RTKN2: variants seen among roughly 807,000 people sequenced by gnomAD.
RTKN2 encodes the protein rhotekin 2.
Under a neutral mutation model 71.5 loss-of-function variants are expected in RTKN2, and 69 were observed. That is an observed-to-expected ratio of 0.96 (90% CI 0.79 to 1.18). The LOEUF is 1.18. Ranked by LOEUF, RTKN2 falls within the 50% of genes most tolerant of loss-of-function variation. The pLI, the probability that RTKN2 is intolerant of heterozygous loss-of-function variation, is 0.00. For synonymous variants in RTKN2, 236 were observed against 236.5 expected (o/e 1.00, Z 0.02); for missense variants, 724 against 719.7 (o/e 1.01, Z -0.07).
chr10:62,213,018 AT>A, intron 9 of RTKN2, among the ~76,000 whole-genome samples: 1 of 152,312 alleles, frequency 6.6e-6, no homozygotes, highest in East Asian at 1.9e-4. Context: ...GATACCAAGT[AT>A]TTATCCTGCC....
Position 62,239,726 on chromosome 10 carries a change from C to G in RTKN2, c.410G>C (p.Gly137Ala), listed in dbSNP as rs776909987. The change falls in exon 5 of 12, where the codon GGA becomes GCA. Residue 137 changes from glycine to alanine, a missense_variant. Coordinates refer to ENST00000373789, the MANE Select transcript of RTKN2 (RefSeq NM_145307.4). ...CACATCAGTATCAAACACATTAGCT[C>G]CCATTTTGAATAAACAAAAAATGGC... ...RYAIFCLFKM[G>A]ANVFDTDVVN... is the part of the protein sequence containing the mutation. The G allele has an allele frequency of 5.6e-6, 9 of 1,594,252 alleles. No homozygotes were observed. The highest frequency in any genetic ancestry group is 7.7e-6 in the Non-Finnish European group (9 of 1,169,008).
rs1841287705 is a variant in RTKN2, at chr10:62,194,710, G to C, written c.*3198C>G. On this transcript the variant is annotated 3_prime_UTR_variant, in exon 12 of 12. Coordinates refer to ENST00000373789, the MANE Select transcript of RTKN2 (RefSeq NM_145307.4). ...ACTGAATTAATTAACTTCTCAGTAGGGGGCTGAGGTGCTGAACATAAGCCT... is the reference window on the plus strand; with the variant it reads ...ACTGAATTAATTAACTTCTCAGTAGCGGGCTGAGGTGCTGAACATAAGCCT... 1.0e-6 allele frequency: 1 copy of C among 985,328 alleles called. No homozygotes were observed. The highest frequency in any genetic ancestry group is 1.2e-6 in the Non-Finnish European group (1 of 829,888). 61.0% of individuals were successfully genotyped at this position (985,328 alleles called of 1,614,324 possible). A position where few individuals can be genotyped will look rare whatever the true frequency, so the allele number is the denominator to read the frequency against.
At chr10:62,222,489 C>CA (rs796195142) in intron 7 of RTKN2, among the ~76,000 whole-genome samples, 40 of 152,026 alleles carry the variant, frequency 2.6e-4, no homozygotes, top group African/African-American at 8.2e-4. Context: ...CATTGTGAAA[C>CA]AAAAAAAATT....
At chr10:62,259,291 G>A (rs971070552) in intron 2 of RTKN2, 3 of 402,400 alleles carry the variant, frequency 7.5e-6, no homozygotes, top group Non-Finnish European at 1.5e-5. Context: ...CTCAGTCTCG[G>A]GTATATCTGT....
At chr10:62,249,587 T>C (rs373145241) in intron 2 of RTKN2, among the ~76,000 whole-genome samples, 3 of 152,232 alleles carry the variant, frequency 2.0e-5, no homozygotes, top group South Asian at 4.2e-4. Flanking sequence ...GAAGTAAGGA[T>C]ACGTTCATTT....
chr10:62,268,652 G>A lies in RTKN2; in HGVS notation c.-42C>T. On this transcript the variant is annotated 5_prime_UTR_variant, in exon 1 of 12. Transcript: ENST00000373789. Reference sequence around the variant, plus strand: ...CCGGGCCGTCGCCACTCCTTCAAAGGGAAGATTTGAAAAGCCCGCCCCTGG... The same window carrying A: ...CCGGGCCGTCGCCACTCCTTCAAAGAGAAGATTTGAAAAGCCCGCCCCTGG... 1.3e-6 allele frequency: 2 copies of A among 1,539,608 alleles called. No individual in the cohort carries two copies. The highest frequency in any genetic ancestry group is 1.8e-6 in the Non-Finnish European group (2 of 1,139,184).
intron 7 of RTKN2, among the ~76,000 whole-genome samples, chr10:62,220,788 A>G (rs1841888479): frequency 6.6e-6 from 1 of 152,120 alleles, no homozygotes; most frequent in Admixed American, 6.5e-5. Flanking sequence ...CAAAGGCAAA[A>G]ATAAATAAAA....
At chr10:62,230,249 GC>G (rs1393374388) in intron 6 of RTKN2, among the ~76,000 whole-genome samples, 1 of 152,004 alleles carries the variant, frequency 6.6e-6, no homozygotes, top group Non-Finnish European at 1.5e-5. Flanking sequence ...TCAGCTCACT[GC>G]AACCTCTGCC....
intron 2 of RTKN2, among the ~76,000 whole-genome samples, chr10:62,257,467 TG>T (rs1359059988): frequency 1.3e-5 from 2 of 152,156 alleles, no homozygotes; most frequent in East Asian, 3.9e-4. Context: ...TTGAGGCAGG[TG>T]TGGTGTCCCA....
intron 10 of RTKN2, among the ~76,000 whole-genome samples, chr10:62,202,953 G>C (rs894271264): frequency 6.6e-6 from 1 of 152,160 alleles, no homozygotes; most frequent in African/African-American, 2.4e-5. Context: ...CTGAGGTCTG[G>C]AGTTTGAGAC....
At chr10:62,258,742 T>C (rs139884530) in intron 2 of RTKN2, among the ~76,000 whole-genome samples, 91 of 152,268 alleles carry the variant, frequency 6.0e-4, no homozygotes, top group African/African-American at 2.0e-3. Flanking sequence ...AATATACATG[T>C]GTATATGTAA....
intron 9 of RTKN2, 45 bp downstream of exon 9, chr10:62,217,073 C>A: frequency 6.9e-7 from 1 of 1,454,026 alleles, no homozygotes; most frequent in Non-Finnish European, 9.2e-7. Flanking sequence ...CAAAAACAAA[C>A]TTCCTAAGAT....
chr10:62,220,621 A>T (rs893567549), intron 7 of RTKN2, among the ~76,000 whole-genome samples: 2 of 152,172 alleles, frequency 1.3e-5, no homozygotes, highest in African/African-American at 4.8e-5. Context: ...ATGCAAAAAG[A>T]ACAAAAGCTA....
intron 7 of RTKN2, among the ~76,000 whole-genome samples, chr10:62,219,759 G>A (rs1589351462): frequency 6.6e-6 from 1 of 151,840 alleles, no homozygotes; most frequent in East Asian, 1.9e-4. Flanking sequence ...GGCCAGACTA[G>A]GTAATATACC....
chr10:62,234,248 G>T (rs1018515337), intron 6 of RTKN2, among the ~76,000 whole-genome samples: 1 of 152,108 alleles, frequency 6.6e-6, no homozygotes, highest in Non-Finnish European at 1.5e-5. Context: ...TCAAGGCTGG[G>T]TGTGGTGGCC....
At chr10:62,241,831 TG>T (rs2133015698) in intron 3 of RTKN2, among the ~76,000 whole-genome samples, 1 of 152,284 alleles carries the variant, frequency 6.6e-6, no homozygotes, top group East Asian at 1.9e-4. Flanking sequence ...CCCGAGTAGC[TG>T]GGACTACAGG....
chr10:62,186,173 T>C (rs1428980896), intron 8 of RTKN2, among the ~76,000 whole-genome samples: 1 of 152,034 alleles, frequency 6.6e-6, no homozygotes, highest in African/African-American at 2.4e-5. Flanking sequence ...TCCCCTGCCC[T>C]GGAGCTCTCA....
At position 62,197,682 on chromosome 10, in the gene RTKN2, A is replaced by C. The variant is rs1841356648; in HGVS notation, c.*226T>G. The C allele has an allele frequency of 7.4e-7, 1 of 1,342,344 alleles. No homozygotes were observed. The highest frequency in any genetic ancestry group is 3.5e-5 in the Admixed American group (1 of 28,232). The allele number at this position is 1,342,344 out of a possible 1,614,324, so 83.2% of individuals were successfully genotyped here. ...TTCCAACAATTAGGATATTGTCTAG[A>C]AACTGCCTCTTGCACACTGCTGGAG... On this transcript the variant is annotated 3_prime_UTR_variant, in exon 12 of 12. Transcript: ENST00000373789.
At chr10:62,256,899 T>A (rs1214282445) in intron 2 of RTKN2, among the ~76,000 whole-genome samples, 1 of 151,874 alleles carries the variant, frequency 6.6e-6, no homozygotes, top group Non-Finnish European at 1.5e-5. Context: ...TGGAACATGA[T>A]GAACAGACAC....
Sources: gnomAD v4.1 joint callset for allele counts (sites outside exome capture counted in the v4.1 genomes callset) on GRCh38, gnomAD v4.1.1 for gene constraint, MANE v1.5 for transcripts, NCBI Gene and HGNC (gene_info 2026-07-23, HGNC 2026-07-21) for gene names.